The following PTPRT variants were observed in gnomAD, a reference collection of about 807,000 sequenced individuals.
PTPRT encodes the protein receptor-type tyrosine-protein phosphatase T.
In PTPRT, 56 loss-of-function variants were observed where a neutral mutation model predicts 176.8. The ratio of observed to expected loss-of-function variants is 0.32; its 90% CI spans 0.26 to 0.40. PTPRT has a LOEUF of 0.40. PTPRT is among the 10% of genes least tolerant of loss of function. The probability of loss-of-function intolerance (pLI) is 1.00; values close to 1 mark genes in which losing one functional copy is unlikely to be tolerated. For missense variants in PTPRT, 1,540 were observed against 1,908.2 expected (o/e 0.81, Z 3.60); for synonymous variants, 783 against 739.0 (o/e 1.06, Z -0.96).
chr20:42,226,862 G>A (rs151143037), intron 15 of PTPRT, among the ~76,000 whole-genome samples: 1 of 152,120 alleles, frequency 6.6e-6, no homozygotes, highest in African/African-American at 2.4e-5. Flanking sequence ...GAAGATCTCT[G>A]TGGCTCTCAG....
At chr20:42,550,681 T>C (rs143200389) in intron 7 of PTPRT, among the ~76,000 whole-genome samples, 1 of 152,178 alleles carries the variant, frequency 6.6e-6, no homozygotes, top group East Asian at 1.9e-4. Context: ...CTGCATCCTT[T>C]ATAGGTAGAT....
the PTPRT span, among the ~76,000 whole-genome samples, chr20:42,040,078 TTTC>T: frequency 1.3e-5 from 2 of 152,174 alleles, no homozygotes; most frequent in African/African-American, 4.8e-5. Flanking sequence ...TTCCCTTTTT[TTTC>T]CCCACAGTCT....
chr20:42,663,855 C>T lies in PTPRT; in HGVS notation c.1153+14011G>A, dbSNP rs1185344581. On this transcript the variant is annotated intron_variant, in intron 7 of 30. Coordinates refer to ENST00000373187, the MANE Select transcript of PTPRT (RefSeq NM_007050.6). ...CACTGTGTGTGTGCACCAAAATTTA[C>T]TTAACTACTCTCCAATCGTTGGTGC... is the stretch of plus-strand genomic sequence containing the variant. Among the ~76,000 whole-genome samples the T allele has an allele frequency of 6.6e-5, 10 of 152,268 alleles. No individual in the cohort carries two copies. The East Asian group carries it at 1.3e-3, about 21-fold the overall frequency.
chr20:42,570,059 G>A (rs1227405551), intron 7 of PTPRT, among the ~76,000 whole-genome samples: 1 of 152,172 alleles, frequency 6.6e-6, no homozygotes, highest in African/African-American at 2.4e-5. Flanking sequence ...AAAGCAGACA[G>A]GCTTCTGCTA....
chr20:43,038,963 GTACTTAGA>G (rs1986497174), intron 1 of PTPRT, among the ~76,000 whole-genome samples: 1 of 152,198 alleles, frequency 6.6e-6, no homozygotes, highest in South Asian at 2.1e-4. Flanking sequence ...GAGGTATGTT[GTACTTAGA>G]TAAGAGAAAT....
At chr20:42,460,533 G>T (rs531878475) in intron 8 of PTPRT, among the ~76,000 whole-genome samples, 16 of 152,192 alleles carry the variant, frequency 1.1e-4, no homozygotes, top group Non-Finnish European at 2.1e-4. Context: ...GATATGGTTT[G>T]GCTGTGACCC....
chr20:42,828,903 A>G (rs1170295337), intron 2 of PTPRT, among the ~76,000 whole-genome samples: 1 of 152,300 alleles, frequency 6.6e-6, no homozygotes, highest in South Asian at 2.1e-4. Flanking sequence ...ATGTGGGGTT[A>G]GAGTCTCCAT....
chr20:42,317,646 G>A (rs1000782264), intron 11 of PTPRT, among the ~76,000 whole-genome samples: 1 of 152,230 alleles, frequency 6.6e-6, no homozygotes, highest in South Asian at 2.1e-4. Context: ...CTTGATTAAG[G>A]AGTACAACTT....
chr20:43,098,647 A>T (rs1395479746), intron 1 of PTPRT, among the ~76,000 whole-genome samples: 1 of 151,648 alleles, frequency 6.6e-6, no homozygotes, highest in African/African-American at 2.4e-5. Context: ...CCTTACCAGG[A>T]TAAAAAATCG....
intron 14 of PTPRT, among the ~76,000 whole-genome samples, chr20:42,246,313 C>A (rs1470565011): frequency 2.0e-5 from 3 of 152,098 alleles, no homozygotes; most frequent in African/African-American, 7.2e-5. Flanking sequence ...TCTTCTCCTC[C>A]TACCCTCCCC....
intron 7 of PTPRT, among the ~76,000 whole-genome samples, chr20:42,529,624 C>A (rs945173367): frequency 1.3e-5 from 2 of 151,974 alleles, no homozygotes; most frequent in Non-Finnish European, 2.9e-5. Flanking sequence ...GTAGCTGAGA[C>A]TACAAGCATG....
intron 1 of PTPRT, among the ~76,000 whole-genome samples, chr20:43,039,369 A>G (rs1986514245): frequency 6.6e-6 from 1 of 151,628 alleles, no homozygotes; most frequent in African/African-American, 2.4e-5. Flanking sequence ...AAAAAAAACC[A>G]CAAAATCTCT....
intron 1 of PTPRT, among the ~76,000 whole-genome samples, chr20:43,146,597 G>T (rs2014176608): frequency 6.6e-6 from 1 of 151,490 alleles, no homozygotes; most frequent in South Asian, 2.1e-4. Context: ...ATAAACTATT[G>T]TTCTTCTGCA....
intron 7 of PTPRT, among the ~76,000 whole-genome samples, chr20:42,540,256 A>C (rs1373197715): frequency 6.6e-6 from 1 of 152,196 alleles, no homozygotes; most frequent in East Asian, 1.9e-4. Context: ...CCTTCAAAGT[A>C]GTAAAGGAAA....
At chr20:42,506,221 T>C (rs2071841725) in intron 7 of PTPRT, among the ~76,000 whole-genome samples, 1 of 152,200 alleles carries the variant, frequency 6.6e-6, no homozygotes, top group Non-Finnish European at 1.5e-5. Context: ...TACATACATT[T>C]ATCAATAAGT....
chr20:42,466,191 A>G (rs747918361), intron 8 of PTPRT, among the ~76,000 whole-genome samples: 6 of 152,162 alleles, frequency 3.9e-5, no homozygotes, highest in Non-Finnish European at 5.9e-5. Flanking sequence ...TGTCTTTGCT[A>G]TTGTGAACAG....
intron 7 of PTPRT, among the ~76,000 whole-genome samples, chr20:42,609,667 C>T (rs2073940947): frequency 6.6e-6 from 1 of 152,140 alleles, no homozygotes; most frequent in South Asian, 2.1e-4. Flanking sequence ...TAACCAGCTG[C>T]AAACCAGAGC....
At chr20:42,924,134 C>T (rs150969888) in intron 1 of PTPRT, among the ~76,000 whole-genome samples, 2 of 152,310 alleles carry the variant, frequency 1.3e-5, no homozygotes, top group East Asian at 3.9e-4. Flanking sequence ...GGATTACAAG[C>T]ATTTGCTACC....
At position 42,080,856 on chromosome 20, in the gene PTPRT, G is replaced by A. The variant is rs769458600; in HGVS notation, c.*23C>T. On this transcript the variant is annotated 3_prime_UTR_variant, in exon 31 of 31. Transcript: ENST00000373187. ...TTGGTCACAGCAGCCTCTGGACTCC[G>A]GCAGGTTCCCCATCCCATTGAGCTA... 50 of 1,598,472 alleles carry A rather than the reference G, an allele frequency of 3.1e-5. No individual in the cohort carries two copies. Among genetic ancestry groups the A allele is most frequent in the African/African-American group, 5.4e-5 (4 of 74,422 alleles).
Sources: gnomAD v4.1 joint callset for allele counts (sites outside exome capture counted in the v4.1 genomes callset) on GRCh38, gnomAD v4.1.1 for gene constraint, MANE v1.5 for transcripts, NCBI Gene and HGNC (gene_info 2026-07-23, HGNC 2026-07-21) for gene names.